The following WDR36 variants were observed in gnomAD, a reference collection of about 807,000 sequenced individuals.
WDR36 encodes the protein WD repeat-containing protein 36.
WDR36 carries 63 observed loss-of-function variants against 112.7 expected under a neutral mutation model. The ratio of observed to expected loss-of-function variants is 0.56; its 90% CI spans 0.46 to 0.69. The LOEUF is 0.69. Among genes scored for constraint, WDR36 ranks in the 30% least tolerant of loss-of-function variants. The probability of loss-of-function intolerance (pLI) is 0.00; values close to 1 mark genes in which losing one functional copy is unlikely to be tolerated. For missense variants in WDR36, 1,226 were observed against 1,070.3 expected, an observed-to-expected ratio of 1.15 and a Z score of -2.03; for synonymous variants, 410 against 362.2, an observed-to-expected ratio of 1.13 and a Z score of -1.50.
At chr5:111,114,020 G>A (rs1217073871) in intron 16 of WDR36, among the ~76,000 whole-genome samples, 4 of 152,216 alleles carry the variant, frequency 2.6e-5, no homozygotes, top group African/African-American at 9.6e-5. Context: ...ATATCTTAAA[G>A]TGGTGAAAAT....
In WDR36 at chr5:111,097,152, T is replaced by C. The variant is rs1753009792; in HGVS notation, c.264T>C (p.Val88=). ...GRLVFAAYGN[V]FSAFARNKEI... ...TAGTCTTTGCTGCTTATGGAAATGT[T>C]TTCTCTGCATTTGCCCGTAATAAAG... Residue 88 remains valine, a synonymous_variant, in exon 3 of 23, where the codon GTT becomes GTC. Coordinates refer to ENST00000513710, the MANE Select transcript of WDR36 (RefSeq NM_139281.3). 6 of 1,613,626 alleles carry C rather than the reference T, an allele frequency of 3.7e-6. No individual in the cohort carries two copies. The East Asian group carries it at 1.3e-4, about 36-fold the overall frequency.
In WDR36 at chr5:111,113,344, A is replaced by G. The variant is rs570738905; in HGVS notation, c.1796+191A>G. Reference sequence around the variant, plus strand: ...TAAACAGCAGGTAGTAGTGTCATGAAACATAATAGAAAAATGAAATCTCTC... The same window carrying G: ...TAAACAGCAGGTAGTAGTGTCATGAGACATAATAGAAAAATGAAATCTCTC... On this transcript the variant is annotated intron_variant, in intron 16 of 22. Transcript: ENST00000513710. Among the ~76,000 whole-genome samples the G allele has an allele frequency of 3.9e-5, 6 of 152,156 alleles. No homozygotes were observed. In the East Asian group the frequency reaches 1.2e-3, roughly 29 times the overall value.
intron 1 of WDR36, among the ~76,000 whole-genome samples, chr5:111,093,760 C>G (rs1366823836): frequency 2.6e-5 from 4 of 152,178 alleles, no homozygotes; most frequent in Non-Finnish European, 4.4e-5. Flanking sequence ...CACACAGACA[C>G]AGGTGTTTTT....
intron 4 of WDR36, among the ~76,000 whole-genome samples, chr5:111,099,464 T>TTTTTTTTTTTTTTTTTTTTTTTTTTTTTG (rs1753072320): frequency 6.4e-5 from 1 of 15,708 alleles, no homozygotes; most frequent in Non-Finnish European, 1.1e-4. Context: ...TTTTTTTTTG[T>TTTTTTTTTTTTTTTTTTTTTTTTTTTTTG]TTTTTTTTTT....
Position 111,097,142 on chromosome 5 carries a change from A to G in WDR36, c.254A>G (p.Tyr85Cys). ...AADGRLVFAA[Y>C]GNVFSAFARN... ...GATGGCAGATTAGTCTTTGCTGCTT[A>G]TGGAAATGTTTTCTCTGCATTTGCC... The change falls in exon 3 of 23, where the codon TAT (tyrosine) becomes TGT (cysteine). Residue 85 changes from tyrosine to cysteine, a missense_variant. Coordinates refer to ENST00000513710, the MANE Select transcript of WDR36 (RefSeq NM_139281.3). The G allele has an allele frequency of 6.2e-7, 1 of 1,613,766 alleles. No individual in the cohort carries two copies. The highest frequency in any genetic ancestry group is 8.5e-7 in the Non-Finnish European group (1 of 1,179,822).
At position 111,113,137 on chromosome 5, in the gene WDR36, G is replaced by A; in HGVS notation, c.1780G>A (p.Asp594Asn). The change falls in exon 16 of 23, where the codon GAC (aspartate) becomes AAC (asparagine). Residue 594 changes from aspartate to asparagine, a missense_variant. Transcript: ENST00000513710. ...AAMDCSIRTW[D>N]LPSGCLIDCF... is the part of the protein sequence containing the mutation. ...GATGGATTGCTCTATTAGGACTTGG[G>A]ACCTTCCTTCTGGGTGGTAAGTTTA... 6.3e-7 allele frequency: 1 copy of A among 1,589,128 alleles called. No individual in the cohort carries two copies. The highest frequency in any genetic ancestry group is 8.6e-7 in the Non-Finnish European group (1 of 1,164,700).
At chr5:111,120,347 A>T in intron 17 of WDR36, 149 bp from the exon 18 acceptor site, 1 of 648,332 alleles carries the variant, frequency 1.5e-6, no homozygotes. Context: ...CTATGACATA[A>T]GTCAAGGCGT....
At chr5:111,126,192 T>A (rs1753675807) in intron 22 of WDR36, among the ~76,000 whole-genome samples, 1 of 152,124 alleles carries the variant, frequency 6.6e-6, no homozygotes, top group South Asian at 2.1e-4. Context: ...TTAGTTACAT[T>A]TTGGAAGTTT....
At chr5:111,113,718 A>G (rs530755174) in intron 16 of WDR36, among the ~76,000 whole-genome samples, 6 of 152,260 alleles carry the variant, frequency 3.9e-5, no homozygotes, top group Non-Finnish European at 8.8e-5. Flanking sequence ...TCAAAGGGCC[A>G]TATCTGGTGA....
chr5:111,111,256 A>G lies in WDR36; in HGVS notation c.1694A>G (p.His565Arg), dbSNP rs778801101. 6.2e-7 allele frequency: 1 copy of G among 1,611,508 alleles called. No homozygotes were observed. Among genetic ancestry groups the G allele is most frequent in the Admixed American group, 1.7e-5 (1 of 59,894 alleles). The part of the protein sequence containing the change: ...TRKIVREFSG[H>R]QGQINDMAFS... ...AAGATTGTCAGAGAGTTTTCTGGAC[A>G]CCAAGGCCAAATAAATGACATGGTA... Residue 565 changes from histidine (H) to arginine (R), a missense_variant, in exon 15 of 23, where the codon CAC becomes CGC. Coordinates refer to ENST00000513710, the MANE Select transcript of WDR36 (RefSeq NM_139281.3).
At chr5:111,116,812 G>T (rs910130520) in intron 16 of WDR36, among the ~76,000 whole-genome samples, 1 of 152,188 alleles carries the variant, frequency 6.6e-6, no homozygotes, top group Admixed American at 6.5e-5. Context: ...GTTACACAAT[G>T]AAGTTGACAA....
chr5:111,106,667 A>G (rs183701697), intron 11 of WDR36, among the ~76,000 whole-genome samples: 1 of 151,488 alleles, frequency 6.6e-6, no homozygotes, highest in Non-Finnish European at 1.5e-5. Context: ...CTGTTTTCTC[A>G]GAGCTTGAGT....
chr5:111,108,986 G>A (rs1264686395), intron 12 of WDR36, among the ~76,000 whole-genome samples: 1 of 151,276 alleles, frequency 6.6e-6, no homozygotes, highest in Non-Finnish European at 1.5e-5. Context: ...GAGAGCCTGT[G>A]CACTAAAGTA....
At chr5:111,097,264 C>G (rs1374320278) in intron 3 of WDR36, 85 bp downstream of exon 3, 1 of 936,716 alleles carries the variant, frequency 1.1e-6, no homozygotes, top group African/African-American at 1.6e-5. Flanking sequence ...CATTCTTTAC[C>G]CAGCACACTC....
intron 8 of WDR36, 97 bp downstream of exon 8, chr5:111,104,449 T>C: frequency 6.5e-7 from 1 of 1,531,170 alleles, no homozygotes; most frequent in Non-Finnish European, 9.0e-7. Context: ...ACCTAGAAGA[T>C]GAAAGGAATA....
At chr5:111,101,971 T>C (rs1029885675) in intron 5 of WDR36, among the ~76,000 whole-genome samples, 2 of 151,860 alleles carry the variant, frequency 1.3e-5, no homozygotes, top group Non-Finnish European at 2.9e-5. Context: ...AACAGTCATA[T>C]AACATGCAAA....
intron 3 of WDR36, 85 bp from the exon 4 acceptor site, chr5:111,098,637 A>C (rs1439617627): frequency 2.2e-6 from 2 of 919,760 alleles, no homozygotes; most frequent in Non-Finnish European, 3.6e-6. Flanking sequence ...GCATCTCAGG[A>C]TTAGCATGTT....
At chr5:111,104,489 A>G in intron 8 of WDR36, 137 bp downstream of exon 8, 1 of 1,422,192 alleles carries the variant, frequency 7.0e-7, no homozygotes, top group South Asian at 1.2e-5. Flanking sequence ...AGATGAAACA[A>G]AAAGCACAGC....
At chr5:111,095,425 A>G (rs1752954485) in intron 2 of WDR36, among the ~76,000 whole-genome samples, 1 of 152,204 alleles carries the variant, frequency 6.6e-6, no homozygotes, top group African/African-American at 2.4e-5. Flanking sequence ...GGTAGTATGC[A>G]CTGGGACTAT....
Sources: allele counts gnomAD v4.1 joint callset (sites outside exome capture counted in the v4.1 genomes callset), GRCh38; gene constraint gnomAD v4.1.1; transcripts MANE v1.5; gene names NCBI Gene and HGNC (gene_info 2026-07-23, HGNC 2026-07-21).